The following SH3BP5 variants were observed in gnomAD, a reference collection of about 807,000 sequenced individuals.
The protein encoded by SH3BP5 is SH3 domain binding protein 5, also known as SH3 domain-binding protein 5.
SH3BP5 carries 22 observed loss-of-function variants against 43.3 expected under a neutral mutation model. The ratio of observed to expected loss-of-function variants is 0.51; its 90% CI spans 0.36 to 0.73. The LOEUF (loss-of-function observed/expected upper bound fraction) is 0.73. Among genes scored for constraint, SH3BP5 ranks in the 30% least tolerant of loss-of-function variants. SH3BP5 has a pLI of 0.00. For synonymous variants in SH3BP5, 255 were observed against 225.8 expected, an observed-to-expected ratio of 1.13 and a Z score of -1.16; for missense variants, 529 against 586.9, an observed-to-expected ratio of 0.90 and a Z score of 1.02.
At position 15,269,769 on chromosome 3, in the gene SH3BP5, C is replaced by G. The variant is rs761848244; in HGVS notation, c.439G>C (p.Asp147His). The G allele has an allele frequency of 1.2e-6, 2 of 1,612,188 alleles. No individual in the cohort carries two copies. The highest frequency in any genetic ancestry group is 1.7e-6 in the Non-Finnish European group (2 of 1,178,820). ...CAGGCGGAGTCGAACTGCCGCTTGT[C>G]ATCCTCCAGCAGCCGCTGCTCGGCC... Reference protein sequence around the residue: ...SLAEQRLLEDDKRQFDSAWQE... With the variant: ...SLAEQRLLEDHKRQFDSAWQE... Residue 147 changes from aspartate (D) to histidine (H), a missense_variant, in exon 4 of 9, where the codon GAC becomes CAC. Asp to His is a moderately conservative substitution (Grantham distance 81). Coordinates refer to ENST00000383791, the MANE Select transcript of SH3BP5 (RefSeq NM_004844.5).
intron 2 of SH3BP5, among the ~76,000 whole-genome samples, chr3:15,316,356 C>G (rs1698185076): frequency 6.6e-6 from 1 of 151,216 alleles, no homozygotes; most frequent in Non-Finnish European, 1.5e-5. Context: ...TCCTGAGTAG[C>G]TGGGATTACA....
intron 3 of SH3BP5, among the ~76,000 whole-genome samples, chr3:15,283,399 A>G (rs1697181301): frequency 6.6e-6 from 1 of 152,268 alleles, no homozygotes; most frequent in East Asian, 1.9e-4. Flanking sequence ...CCTGTCTCAA[A>G]AAAAGGAAAA....
intron 3 of SH3BP5, among the ~76,000 whole-genome samples, chr3:15,291,178 T>C (rs1697402765): frequency 6.6e-6 from 1 of 152,236 alleles, no homozygotes; most frequent in African/African-American, 2.4e-5. Context: ...AACAGCAGCA[T>C]GAGCATTCGC....
chr3:15,280,118 A>G (rs897225520), intron 3 of SH3BP5, among the ~76,000 whole-genome samples: 3 of 152,036 alleles, frequency 2.0e-5, no homozygotes, highest in African/African-American at 7.3e-5. Context: ...TCACAATTAC[A>G]AGCAGCTTAC....
rs565317401 is a variant in SH3BP5 at position 15,273,083 on chromosome 3, C to T, written c.331-3206G>A. On this transcript the variant is annotated intron_variant, in intron 3 of 8. Transcript: ENST00000383791. ...AGGGAACCTGTCACCTTAAAAGCCA[C>T]TCCACCCCCTACCCATAGGTGGCCT... 2.4e-4 allele frequency: 239 copies of T among 977,748 alleles called. 1 individual carries two copies. Among genetic ancestry groups the T allele is most frequent in the Admixed American group, 1.2e-4 (2 of 16,276 alleles). 60.6% of individuals were successfully genotyped at this position (977,748 alleles called of 1,614,324 possible). A position where few individuals can be genotyped will look rare whatever the true frequency, so the allele number is the denominator to read the frequency against.
At chr3:15,268,262 A>G (rs1696698351) in intron 4 of SH3BP5, among the ~76,000 whole-genome samples, 1 of 152,222 alleles carries the variant, frequency 6.6e-6, no homozygotes, top group African/African-American at 2.4e-5. Flanking sequence ...GCACAAGGCC[A>G]TCTTTAATTA....
In SH3BP5 at chr3:15,305,733, G is replaced by A. The variant is rs149464458; in HGVS notation, c.202-1502C>T. On this transcript the variant is annotated intron_variant, in intron 2 of 8. Coordinates refer to ENST00000383791, the MANE Select transcript of SH3BP5 (RefSeq NM_004844.5). ...TGTCTGCAAGAAACTGAAGGAGGCC[G>A]GAGGTCTGGAATGTGGAGAATGGCA... Among the ~76,000 whole-genome samples, 718 of 152,212 alleles carry A rather than the reference G, an allele frequency of 4.7e-3. 3 individuals carry two copies. The highest frequency in any genetic ancestry group is 7.0e-3 in the Non-Finnish European group (479 of 68,010).
chr3:15,286,955 G>A (rs941754656), intron 3 of SH3BP5, among the ~76,000 whole-genome samples: 4 of 152,158 alleles, frequency 2.6e-5, no homozygotes, highest in African/African-American at 9.7e-5. Flanking sequence ...AGGAGCTCAC[G>A]GTTCCAGGGC....
At chr3:15,260,616 G>A (rs1696399791) in intron 5 of SH3BP5, 1 of 150,540 alleles carries the variant, frequency 6.6e-6, no homozygotes, top group South Asian at 2.1e-4. Context: ...TGGGGGGAGA[G>A]AGAGGTGTAT....
chr3:15,270,728 C>T (rs986371180), intron 3 of SH3BP5, among the ~76,000 whole-genome samples: 1 of 152,070 alleles, frequency 6.6e-6, no homozygotes, highest in Admixed American at 6.5e-5. Flanking sequence ...GAATTAAAGA[C>T]CAGCCTGGTC....
intron 2 of SH3BP5, among the ~76,000 whole-genome samples, chr3:15,308,406 T>C (rs2125117610): frequency 6.6e-6 from 1 of 152,338 alleles, no homozygotes; most frequent in African/African-American, 2.4e-5. Flanking sequence ...AACTTGCCCA[T>C]GGTCACAGAG....
chr3:15,280,082 T>C (rs1485259956), intron 3 of SH3BP5, among the ~76,000 whole-genome samples: 1 of 152,154 alleles, frequency 6.6e-6, no homozygotes. Flanking sequence ...CTGATGTCTA[T>C]GACCTGTCCC....
intron 1 of SH3BP5, among the ~76,000 whole-genome samples, chr3:15,340,991 G>A (rs1284350279): frequency 6.6e-6 from 1 of 152,170 alleles, no homozygotes; most frequent in East Asian, 1.9e-4. Context: ...GGCGGAGGTT[G>A]TGATGAGCCG....
chr3:15,255,071 C>T lies in SH3BP5; in HGVS notation c.*1015G>A, dbSNP rs938149132. On this transcript the variant is annotated 3_prime_UTR_variant, in exon 9 of 9. Coordinates refer to ENST00000383791, the MANE Select transcript of SH3BP5 (RefSeq NM_004844.5). ...TTCTTAACAAGACAAAAATACAGTGCTCTAAATATGCATTACCATGAAAAC... is the reference window on the plus strand; with the variant it reads ...TTCTTAACAAGACAAAAATACAGTGTTCTAAATATGCATTACCATGAAAAC... The T allele has an allele frequency of 1.3e-5, 2 of 152,550 alleles. No homozygotes were observed. Among genetic ancestry groups the T allele is most frequent in the African/African-American group, 4.8e-5 (2 of 41,424 alleles). The allele number at this position is 152,550 out of a possible 1,614,324, so 9.4% of individuals were successfully genotyped here. A position where few individuals can be genotyped will look rare whatever the true frequency, so the allele number is the denominator to read the frequency against.
chr3:15,255,426 A>G lies in SH3BP5; in HGVS notation c.*660T>C, dbSNP rs187178327. On this transcript the variant is annotated 3_prime_UTR_variant, in exon 9 of 9. Transcript: ENST00000383791. ...GTCCCTCCTACCCTCATCCCCCCGCATCCCCACTGGCATTCACCTTTCCCA... is the reference window on the plus strand; with the variant it reads ...GTCCCTCCTACCCTCATCCCCCCGCGTCCCCACTGGCATTCACCTTTCCCA... 2 of 152,192 alleles carry G rather than the reference A, an allele frequency of 1.3e-5. No individual in the cohort carries two copies. Among genetic ancestry groups the G allele is most frequent in the Non-Finnish European group, 2.9e-5 (2 of 68,016 alleles). 9.4% of individuals were successfully genotyped at this position (152,192 alleles called of 1,614,324 possible).
At chr3:15,276,466 A>G (rs1696971679) in intron 3 of SH3BP5, among the ~76,000 whole-genome samples, 1 of 152,208 alleles carries the variant, frequency 6.6e-6, no homozygotes, top group African/African-American at 2.4e-5. Context: ...GGAGTAACTC[A>G]TTAACACAGT....
At chr3:15,265,937 A>G (rs9850522) in intron 4 of SH3BP5, among the ~76,000 whole-genome samples, 12,719 of 152,124 alleles carry the variant, frequency 0.084, 1,388 homozygotes, top group African/African-American at 0.24. Context: ...GGGTGTTTCA[A>G]TCTGGCTTGG....
chr3:15,262,439 C>T, intron 4 of SH3BP5, 150 bp from the exon 5 acceptor site: 1 of 910,024 alleles, frequency 1.1e-6, no homozygotes, highest in Non-Finnish European at 1.6e-6. Context: ...GTGGGTGGAT[C>T]ACGAGGTCAG....
chr3:15,336,095 T>A (rs116536677), upstream of SH3BP5, among the ~76,000 whole-genome samples: 21 of 152,058 alleles, frequency 1.4e-4, no homozygotes, highest in African/African-American at 4.3e-4. Flanking sequence ...GATGGCACCA[T>A]TGCACTCCAG....
Sources: allele counts gnomAD v4.1 joint callset (sites outside exome capture counted in the v4.1 genomes callset), GRCh38; gene constraint gnomAD v4.1.1; transcripts MANE v1.5; gene names NCBI Gene and HGNC (gene_info 2026-07-23, HGNC 2026-07-21).